HEMK2: variants seen among roughly 807,000 people sequenced by gnomAD.
HEMK2 encodes the protein HemK methyltransferase 2, ETF1 glutamine and histone H4 lysine.
the HEMK2 span, among the ~76,000 whole-genome samples, chr21:28,702,303 T>C: frequency 2.9e-5 from 3 of 104,870 alleles, no homozygotes; most frequent in African/African-American, 1.8e-4. Context: ...CCAAAAGCTA[T>C]TGCAACAAAA....
chr21:28,820,983 A>G, the HEMK2 span, among the ~76,000 whole-genome samples: 1 of 152,170 alleles, frequency 6.6e-6, no homozygotes, highest in African/African-American at 2.4e-5. Context: ...CCTACCTATC[A>G]GTGTATTCCT....
chr21:28,842,811 C>A, the HEMK2 span, among the ~76,000 whole-genome samples: 13 of 152,122 alleles, frequency 8.5e-5, no homozygotes, highest in Non-Finnish European at 1.5e-5. Context: ...GGGAAGATTT[C>A]CTCCTCTGAT....
the HEMK2 span, among the ~76,000 whole-genome samples, chr21:28,687,986 C>T: frequency 6.6e-6 from 1 of 152,114 alleles, no homozygotes; most frequent in African/African-American, 2.4e-5. Context: ...AAAATAAATC[C>T]TTCTAAAGCT....
At chr21:28,685,294 T>C in the HEMK2 span, among the ~76,000 whole-genome samples, 1 of 152,196 alleles carries the variant, frequency 6.6e-6, no homozygotes, top group African/African-American at 2.4e-5. Context: ...TTTTGTACAA[T>C]ACACTATGAT....
At chr21:28,684,896 G>T in the HEMK2 span, among the ~76,000 whole-genome samples, 1 of 152,168 alleles carries the variant, frequency 6.6e-6, no homozygotes. Context: ...GATTTAAATG[G>T]TGTAAAAAGT....
the HEMK2 span, among the ~76,000 whole-genome samples, chr21:28,610,240 G>A: frequency 4.6e-5 from 7 of 152,198 alleles, no homozygotes; most frequent in African/African-American, 1.7e-4. Flanking sequence ...AAGGGATTGG[G>A]GTTCTATTTT....
the HEMK2 span, among the ~76,000 whole-genome samples, chr21:28,685,144 G>GTATCT: frequency 2.0e-5 from 3 of 152,140 alleles, no homozygotes; most frequent in African/African-American, 7.2e-5. Context: ...ATCTCAGGAT[G>GTATCT]CAAGACTTCA....
At chr21:28,627,161 G>A in the HEMK2 span, among the ~76,000 whole-genome samples, 10 of 152,242 alleles carry the variant, frequency 6.6e-5, no homozygotes, top group Admixed American at 1.3e-4. Flanking sequence ...GTATGATTCC[G>A]TATATATGAG....
chr21:28,656,586 T>G, the HEMK2 span, among the ~76,000 whole-genome samples: 2 of 151,738 alleles, frequency 1.3e-5, no homozygotes, highest in African/African-American at 4.8e-5. Flanking sequence ...TGACTCAACA[T>G]CCATCCTACT....
the HEMK2 span, among the ~76,000 whole-genome samples, chr21:28,696,132 C>T: frequency 6.6e-6 from 1 of 152,120 alleles, no homozygotes; most frequent in African/African-American, 2.4e-5. Context: ...ACCATCAGAT[C>T]TTATAAGACT....
chr21:28,639,218 A>G, the HEMK2 span, among the ~76,000 whole-genome samples: 4 of 152,234 alleles, frequency 2.6e-5, no homozygotes, highest in East Asian at 7.7e-4. Flanking sequence ...GATGAGAAAG[A>G]AGAAATCTCT....
chr21:28,743,805 T>G, the HEMK2 span, among the ~76,000 whole-genome samples: 34,813 of 152,140 alleles, frequency 0.23, 4,624 homozygotes, highest in African/African-American at 0.35. Flanking sequence ...CATGCAAATG[T>G]GTCTGGTAGC....
At chr21:28,851,016 T>G in the HEMK2 span, among the ~76,000 whole-genome samples, 8 of 152,152 alleles carry the variant, frequency 5.3e-5, no homozygotes, top group African/African-American at 1.9e-4. Context: ...AATGATGCTG[T>G]GCACACCCCA....
chr21:28,818,889 T>C, the HEMK2 span, among the ~76,000 whole-genome samples: 2 of 152,216 alleles, frequency 1.3e-5, no homozygotes, highest in African/African-American at 4.8e-5. Context: ...ATTTATTTCT[T>C]AGTGCCAGAA....
the HEMK2 span, among the ~76,000 whole-genome samples, chr21:28,831,319 G>A: frequency 0.011 from 1,639 of 150,814 alleles, 18 homozygotes; most frequent in Admixed American, 0.015. Flanking sequence ...GGTAGCGGGC[G>A]CCTGTAATCC....
the HEMK2 span, among the ~76,000 whole-genome samples, chr21:28,660,327 T>C: frequency 1.3e-5 from 2 of 151,822 alleles, no homozygotes; most frequent in African/African-American, 4.8e-5. Flanking sequence ...ACTAACATGT[T>C]GAACAGTAAA....
At chr21:28,584,051 T>A in the HEMK2 span, among the ~76,000 whole-genome samples, 137 of 152,268 alleles carry the variant, frequency 9.0e-4, no homozygotes, top group Non-Finnish European at 1.7e-3. Flanking sequence ...AACAAATATA[T>A]CACAGCCCTT....
the HEMK2 span, among the ~76,000 whole-genome samples, chr21:28,687,171 C>G: frequency 6.6e-6 from 1 of 152,186 alleles, no homozygotes; most frequent in East Asian, 1.9e-4. Flanking sequence ...AAGTTAATGC[C>G]TTAGCTAAAG....
At chr21:28,632,961 A>T in the HEMK2 span, among the ~76,000 whole-genome samples, 1 of 152,182 alleles carries the variant, frequency 6.6e-6, no homozygotes, top group Non-Finnish European at 1.5e-5. Context: ...ACATCACATA[A>T]GAAATTTATA....
Sources: gnomAD v4.1 joint callset for allele counts (sites outside exome capture counted in the v4.1 genomes callset) on GRCh38, gnomAD v4.1.1 for gene constraint, MANE v1.5 for transcripts, NCBI Gene and HGNC (gene_info 2026-07-23, HGNC 2026-07-21) for gene names.